AUTS2: variants seen among roughly 807,000 people sequenced by gnomAD.
AUTS2 encodes the protein autism susceptibility gene 2 protein.
Under a neutral mutation model 112.4 loss-of-function variants are expected in AUTS2, and 17 were observed. The observed-to-expected ratio is 0.15, with a 90% CI of 0.10 to 0.23. The LOEUF (loss-of-function observed/expected upper bound fraction) is 0.23. Ranked by LOEUF, AUTS2 falls within the 10% of genes least tolerant of loss-of-function variation. The pLI is 1.00. For synonymous variants in AUTS2, 751 were observed against 702.7 expected (o/e 1.07, Z -1.09); for missense variants, 1,510 against 1,701.6 (o/e 0.89, Z 1.98).
At chr7:70,542,009 C>A (rs574665177) in intron 5 of AUTS2, among the ~76,000 whole-genome samples, 16 of 152,330 alleles carry the variant, frequency 1.1e-4, no homozygotes, top group Middle Eastern at 3.4e-3. Context: ...TAGAGGCCTT[C>A]ATCATCTGCC....
intron 4 of AUTS2, among the ~76,000 whole-genome samples, chr7:70,191,161 C>CT (rs34637651): frequency 0.061 from 5,289 of 86,402 alleles, 422 homozygotes; most frequent in African/African-American, 0.1. Flanking sequence ...CCACTTATTT[C>CT]TTTTTTTTTT....
At chr7:70,064,304 A>C (rs976567320) in intron 2 of AUTS2, among the ~76,000 whole-genome samples, 1 of 152,070 alleles carries the variant, frequency 6.6e-6, no homozygotes. Flanking sequence ...TCAGAGGTTT[A>C]CCCTTTGCTT....
chr7:70,393,191 G>A (rs1019111792), intron 4 of AUTS2, among the ~76,000 whole-genome samples: 2 of 152,118 alleles, frequency 1.3e-5, no homozygotes, highest in African/African-American at 2.4e-5. Context: ...TCACCTCCTC[G>A]GGAGACTGAA....
At chr7:69,723,348 G>A (rs188384197) in intron 1 of AUTS2, among the ~76,000 whole-genome samples, 87 of 152,100 alleles carry the variant, frequency 5.7e-4, no homozygotes, top group Admixed American at 5.0e-3. Flanking sequence ...TGTTTTATAA[G>A]GATTGCTTTG....
chr7:70,485,826 T>C (rs933152106), intron 5 of AUTS2, among the ~76,000 whole-genome samples: 2 of 152,042 alleles, frequency 1.3e-5, no homozygotes, highest in Admixed American at 6.5e-5. Flanking sequence ...GCGAGGGTGC[T>C]GGCACCTGGA....
At chr7:69,782,555 G>C (rs768667360) in intron 1 of AUTS2, among the ~76,000 whole-genome samples, 8 of 151,870 alleles carry the variant, frequency 5.3e-5, no homozygotes, top group Non-Finnish European at 1.0e-4. Context: ...CAATCCCAGA[G>C]ACCTTTTTCC....
chr7:70,220,919 A>G (rs1383287736), intron 4 of AUTS2, among the ~76,000 whole-genome samples: 1 of 152,134 alleles, frequency 6.6e-6, no homozygotes, highest in Non-Finnish European at 1.5e-5. Flanking sequence ...ATACTGTTTT[A>G]TTGTATATCT....
At chr7:70,245,144 G>GTATATATA (rs71077638) in intron 4 of AUTS2, among the ~76,000 whole-genome samples, 8 of 108,964 alleles carry the variant, frequency 7.3e-5, no homozygotes, top group African/African-American at 2.9e-4. Flanking sequence ...GTGTGTGTGT[G>GTATATATA]TATATATATA....
chr7:70,234,383 G>A (rs1812213291), intron 4 of AUTS2, among the ~76,000 whole-genome samples: 2 of 152,042 alleles, frequency 1.3e-5, no homozygotes, highest in Admixed American at 1.3e-4. Flanking sequence ...TCTTCTCTCA[G>A]TATTTTCTTT....
At chr7:70,418,449 A>T (rs1032974334) in intron 4 of AUTS2, among the ~76,000 whole-genome samples, 46 of 152,210 alleles carry the variant, frequency 3.0e-4, no homozygotes, top group Admixed American at 2.0e-4. Context: ...AGTAAGGTGC[A>T]GCCACTTTCC....
chr7:70,077,066 C>T (rs1319969987), intron 2 of AUTS2, among the ~76,000 whole-genome samples: 1 of 152,046 alleles, frequency 6.6e-6, no homozygotes, highest in Admixed American at 6.6e-5. Context: ...CTGGAGGACA[C>T]AGGGGAGAGC....
intron 4 of AUTS2, among the ~76,000 whole-genome samples, chr7:70,404,583 G>A (rs1794454925): frequency 6.6e-6 from 1 of 152,186 alleles, no homozygotes; most frequent in African/African-American, 2.4e-5. Flanking sequence ...GGCATAGAGA[G>A]CAGCGGTTAT....
rs1032820758 is a variant in AUTS2 at position 70,792,991 on chromosome 7, C to G, written c.*1995C>G. 5.2e-5 allele frequency: 8 copies of G among 152,582 alleles called. No individual in the cohort carries two copies. Among genetic ancestry groups the G allele is most frequent in the African/African-American group, 1.9e-4 (8 of 41,438 alleles). 9.5% of individuals were successfully genotyped at this position (152,582 alleles called of 1,614,324 possible). A position where few individuals can be genotyped will look rare whatever the true frequency, so the allele number is the denominator to read the frequency against. ...ACCCAGCCCGTGTAAGAACAGAAGG[C>G]TCACCTGCAGTGGCTGACCACCCTA... On this transcript the variant is annotated 3_prime_UTR_variant, in exon 19 of 19. Coordinates refer to ENST00000342771, the MANE Select transcript of AUTS2 (RefSeq NM_015570.4).
chr7:70,138,874 G>A (rs977979924), intron 4 of AUTS2, among the ~76,000 whole-genome samples: 6 of 152,156 alleles, frequency 3.9e-5, no homozygotes, highest in Admixed American at 3.3e-4. Flanking sequence ...GGGTTATAAA[G>A]GTCATAGTGG....
chr7:69,781,448 A>G (rs1458844847), intron 1 of AUTS2, among the ~76,000 whole-genome samples: 1 of 152,190 alleles, frequency 6.6e-6, no homozygotes, highest in African/African-American at 2.4e-5. Context: ...ACCAGCAGAT[A>G]ACACTCGGAG....
At chr7:69,982,962 A>C (rs1221677348) in intron 2 of AUTS2, among the ~76,000 whole-genome samples, 1 of 152,202 alleles carries the variant, frequency 6.6e-6, no homozygotes, top group Non-Finnish European at 1.5e-5. Context: ...CAATCCCATC[A>C]ATCTGCAAAT....
Position 69,713,668 on chromosome 7 carries a change from G to A in AUTS2, c.309+113706G>A, listed in dbSNP as rs115222194. On this transcript the variant is annotated intron_variant, in intron 1 of 18. Coordinates refer to ENST00000342771, the MANE Select transcript of AUTS2 (RefSeq NM_015570.4). ...TAGAGATGGGGTTTCATCACGTTGT[G>A]TAAGCTGGTCTCGAACTCCTGACCT... Among the ~76,000 whole-genome samples the A allele has an allele frequency of 3.0e-3, 452 of 151,928 alleles. 3 individuals are homozygous for A. Among genetic ancestry groups the A allele is most frequent in the African/African-American group, 0.01 (428 of 41,434 alleles).
chr7:69,764,754 A>G (rs747959950), intron 1 of AUTS2, among the ~76,000 whole-genome samples: 13 of 152,238 alleles, frequency 8.5e-5, no homozygotes, highest in Non-Finnish European at 1.3e-4. Flanking sequence ...CAAGAGAAGT[A>G]TATGAGAAGC....
intron 2 of AUTS2, among the ~76,000 whole-genome samples, chr7:70,015,952 A>G (rs1430232676): frequency 6.6e-6 from 1 of 152,088 alleles, no homozygotes; most frequent in Non-Finnish European, 1.5e-5. Flanking sequence ...TTCAAACTTT[A>G]AATTTAAAAT....
Sources: allele counts gnomAD v4.1 joint callset (sites outside exome capture counted in the v4.1 genomes callset), GRCh38; gene constraint gnomAD v4.1.1; transcripts MANE v1.5; gene names NCBI Gene and HGNC (gene_info 2026-07-23, HGNC 2026-07-21).